PHTF2: variants seen among roughly 807,000 people sequenced by gnomAD.
PHTF2 encodes the protein putative homeodomain transcription factor 2.
PHTF2 carries 60 observed loss-of-function variants against 101.2 expected under a neutral mutation model. The observed-to-expected ratio is 0.59, with a 90% CI of 0.48 to 0.73. The LOEUF is 0.73. Among genes scored for constraint, PHTF2 ranks in the 30% least tolerant of loss-of-function variants. The probability of loss-of-function intolerance (pLI) is 0.00; values close to 1 mark genes in which losing one functional copy is unlikely to be tolerated. For missense variants in PHTF2, 747 were observed against 908.7 expected (o/e 0.82, Z 2.29); for synonymous variants, 311 against 307.3 (o/e 1.01, Z -0.13).
chr7:77,803,385 A>G (rs1792717853), intron 1 of PHTF2, among the ~76,000 whole-genome samples: 1 of 152,224 alleles, frequency 6.6e-6, no homozygotes, highest in African/African-American at 2.4e-5. Context: ...GTACTTTTGT[A>G]AGACCTTTTG....
chr7:77,803,168 T>C (rs765702428), intron 1 of PHTF2, among the ~76,000 whole-genome samples: 5 of 152,130 alleles, frequency 3.3e-5, no homozygotes, highest in Non-Finnish European at 5.9e-5. Flanking sequence ...GAACAGGAAC[T>C]GGGGCAGGAA....
chr7:77,836,119 C>CAAAAAAAAA (rs1210225270), intron 1 of PHTF2, among the ~76,000 whole-genome samples: 2 of 64,470 alleles, frequency 3.1e-5, no homozygotes, highest in African/African-American at 1.1e-4. Flanking sequence ...AACTCCATCT[C>CAAAAAAAAA]AAAAAAAAAA....
intron 3 of PHTF2, among the ~76,000 whole-genome samples, chr7:77,878,542 A>C (rs189422464): frequency 3.7e-4 from 57 of 152,280 alleles, no homozygotes; most frequent in African/African-American, 1.3e-3. Context: ...TCTCATGGCT[A>C]ATTTGTTAGT....
At chr7:77,919,608 A>G (rs1468353847) in intron 9 of PHTF2, among the ~76,000 whole-genome samples, 2 of 151,958 alleles carry the variant, frequency 1.3e-5, no homozygotes, top group Non-Finnish European at 2.9e-5. Context: ...GTTGTATTTT[A>G]TGTGTTGAAA....
chr7:77,859,389 C>T (rs546744924), intron 3 of PHTF2, among the ~76,000 whole-genome samples: 39 of 152,140 alleles, frequency 2.6e-4, no homozygotes, highest in African/African-American at 9.2e-4. Context: ...GTAGCTGTAT[C>T]GTAGACCACC....
chr7:77,862,731 TATA>T (rs1171468389), intron 3 of PHTF2, among the ~76,000 whole-genome samples: 5 of 152,256 alleles, frequency 3.3e-5, no homozygotes, highest in African/African-American at 1.2e-4. Flanking sequence ...TCATCAATGA[TATA>T]ATATTTGCCG....
chr7:77,805,586 G>T (rs199539460), intron 1 of PHTF2, among the ~76,000 whole-genome samples: 1 of 152,062 alleles, frequency 6.6e-6, no homozygotes, highest in Non-Finnish European at 1.5e-5. Flanking sequence ...TACATCTCAC[G>T]AATTTTGATA....
At chr7:77,947,837 C>CTTTTTTTGTTT in intron 16 of PHTF2, among the ~76,000 whole-genome samples, 1 of 73,806 alleles carries the variant, frequency 1.4e-5, no homozygotes, top group South Asian at 5.0e-4. Flanking sequence ...TTTTTTCTTT[C>CTTTTTTTGTTT]TTTTTTTTTT....
chr7:77,844,762 C>T (rs1796144820), intron 2 of PHTF2, among the ~76,000 whole-genome samples: 10 of 152,148 alleles, frequency 6.6e-5, no homozygotes, highest in Admixed American at 5.9e-4. Flanking sequence ...TGACCTCATG[C>T]GATTTGCCCA....
At chr7:77,905,479 ACT>A (rs1801769849) in intron 7 of PHTF2, among the ~76,000 whole-genome samples, 1 of 147,858 alleles carries the variant, frequency 6.8e-6, no homozygotes, top group Admixed American at 6.8e-5. Context: ...TAATCCTCCC[ACT>A]TCACCCTCTT....
rs1800355435 is a variant in PHTF2, at chr7:77,891,035, G to T, written c.148-2573G>T. On this transcript the variant is annotated intron_variant, in intron 3 of 19. Coordinates refer to ENST00000416283, the Ensembl canonical transcript of PHTF2. ...TGATCCTCCCACCTCAGCCTCCTGA[G>T]TAGCTGGGACTACAAGGGCACACTA... 2.0e-5 allele frequency among the ~76,000 whole-genome samples: 3 copies of T among 150,724 alleles called. No homozygotes were observed. The South Asian group carries it at 6.3e-4, about 32-fold the overall frequency.
At chr7:77,864,402 C>T (rs1336018290) in intron 3 of PHTF2, among the ~76,000 whole-genome samples, 3 of 152,196 alleles carry the variant, frequency 2.0e-5, no homozygotes, top group Middle Eastern at 3.2e-3. Flanking sequence ...TTTTAACACT[C>T]GTCAAAGCCT....
intron 2 of PHTF2, among the ~76,000 whole-genome samples, chr7:77,852,777 G>A (rs910437617): frequency 2.6e-5 from 4 of 152,156 alleles, no homozygotes; most frequent in African/African-American, 9.7e-5. Context: ...ATCTGGTGTT[G>A]ATGAAATCTC....
At chr7:77,859,407 A>G (rs1050155947) in intron 3 of PHTF2, among the ~76,000 whole-genome samples, 5 of 152,134 alleles carry the variant, frequency 3.3e-5, no homozygotes, top group African/African-American at 1.2e-4. Context: ...ACCAGTGAAG[A>G]ACTGAGTAAG....
In PHTF2 at chr7:77,949,946, A is replaced by G. The variant is rs1001737529; in HGVS notation, c.2115+113A>G. 39 of 567,418 alleles carry G rather than the reference A, an allele frequency of 6.9e-5. No individual in the cohort carries two copies. In the African/African-American group the frequency reaches 7.1e-4, roughly 10 times the overall value. 35.1% of individuals were successfully genotyped at this position (567,418 alleles called of 1,614,324 possible). The stretch of plus-strand genomic sequence containing the variant: ...ATTTGATTAAGGTCATTTGTGCTAT[A>G]AAGCAAAATGTAAAATTTAATAGGA... On this transcript the variant is annotated intron_variant, in intron 17 of 19. Transcript: ENST00000416283.
intron 2 of PHTF2, among the ~76,000 whole-genome samples, chr7:77,848,673 A>G (rs1011495136): frequency 3.0e-4 from 46 of 151,900 alleles, no homozygotes; most frequent in African/African-American, 1.1e-3. Context: ...CTCTTTGTTG[A>G]TATTTTCCTT....
intron 1 of PHTF2, among the ~76,000 whole-genome samples, chr7:77,824,419 A>G (rs118119902): frequency 0.024 from 3,647 of 152,224 alleles, 60 homozygotes; most frequent in Admixed American, 0.035. Flanking sequence ...GTAAAAGTGC[A>G]GCTGTTGTTA....
At chr7:77,863,638 A>G (rs867805718) in intron 3 of PHTF2, among the ~76,000 whole-genome samples, 5 of 151,848 alleles carry the variant, frequency 3.3e-5, no homozygotes, top group Non-Finnish European at 7.4e-5. Flanking sequence ...AGTTTATTAC[A>G]CATGGATTAT....
intron 3 of PHTF2, among the ~76,000 whole-genome samples, chr7:77,858,336 A>G (rs1194193045): frequency 1.3e-5 from 2 of 152,200 alleles, no homozygotes; most frequent in Non-Finnish European, 2.9e-5. Context: ...GTTTACAAGG[A>G]AAAAAGAAAC....
Sources: allele counts gnomAD v4.1 joint callset (sites outside exome capture counted in the v4.1 genomes callset), GRCh38; gene constraint gnomAD v4.1.1; transcripts MANE v1.5; gene names NCBI Gene and HGNC (gene_info 2026-07-23, HGNC 2026-07-21).